The following EDIL3 variants were observed in gnomAD, a reference collection of about 807,000 sequenced individuals.
EDIL3 encodes the protein EGF-like repeat and discoidin I-like domain-containing protein 3.
A neutral mutation model predicts 67.4 loss-of-function variants in EDIL3; 37 were observed. That is an observed-to-expected ratio of 0.55 (90% CI 0.42 to 0.72). EDIL3 has a LOEUF of 0.72. Ranked by LOEUF, EDIL3 falls within the 30% of genes least tolerant of loss-of-function variation. The pLI is 0.00. For missense variants in EDIL3, 527 were observed against 586.3 expected, an observed-to-expected ratio of 0.90 and a Z score of 1.04; for synonymous variants, 195 against 196.3, an observed-to-expected ratio of 0.99 and a Z score of 0.05.
At chr5:84,240,208 T>C (rs915245736) in intron 2 of EDIL3, among the ~76,000 whole-genome samples, 7 of 152,116 alleles carry the variant, frequency 4.6e-5, no homozygotes, top group Non-Finnish European at 1.0e-4. Context: ...AAAACTGTAA[T>C]AGAAAAATGT....
chr5:84,208,771 T>G (rs1056754946), intron 3 of EDIL3, among the ~76,000 whole-genome samples: 1 of 151,018 alleles, frequency 6.6e-6, no homozygotes, highest in Non-Finnish European at 1.5e-5. Context: ...TTTTACACTG[T>G]TGGTGGGACT....
intron 3 of EDIL3, among the ~76,000 whole-genome samples, chr5:84,210,583 AC>A (rs1262731144): frequency 4.6e-5 from 7 of 152,148 alleles, no homozygotes; most frequent in Non-Finnish European, 7.4e-5. Context: ...TTAAAAAAAA[AC>A]ATATAAGCAT....
chr5:83,966,303 T>A (rs968917905), intron 9 of EDIL3, among the ~76,000 whole-genome samples: 1 of 152,110 alleles, frequency 6.6e-6, no homozygotes. Flanking sequence ...ATATAACAGG[T>A]GCTCAACAAA....
At chr5:84,173,011 A>T (rs1244375372) in intron 4 of EDIL3, among the ~76,000 whole-genome samples, 1 of 152,076 alleles carries the variant, frequency 6.6e-6, no homozygotes. Flanking sequence ...ATCCCTACTG[A>T]AGTAAACAGA....
At chr5:84,018,368 T>G (rs1054516101) in intron 9 of EDIL3, among the ~76,000 whole-genome samples, 1 of 152,152 alleles carries the variant, frequency 6.6e-6, no homozygotes, top group Non-Finnish European at 1.5e-5. Context: ...TCCTGATAAT[T>G]TAACTCTTGC....
At chr5:84,090,646 T>C (rs1747148574) in intron 6 of EDIL3, among the ~76,000 whole-genome samples, 1 of 152,066 alleles carries the variant, frequency 6.6e-6, no homozygotes, top group Non-Finnish European at 1.5e-5. Context: ...AACTGCTTGT[T>C]TATGGAAAAT....
chr5:84,309,842 T>C (rs1257844704), intron 1 of EDIL3, among the ~76,000 whole-genome samples: 1 of 152,226 alleles, frequency 6.6e-6, no homozygotes, highest in Non-Finnish European at 1.5e-5. Flanking sequence ...TTTATAGTCC[T>C]TTGGGTATAT....
chr5:84,216,631 T>C (rs1007070548), intron 3 of EDIL3, among the ~76,000 whole-genome samples: 3 of 152,218 alleles, frequency 2.0e-5, no homozygotes, highest in Admixed American at 1.3e-4. Flanking sequence ...ATTATGTATA[T>C]GCAGCATTTG....
At chr5:84,233,805 T>C (rs1222927879) in intron 2 of EDIL3, among the ~76,000 whole-genome samples, 1 of 152,140 alleles carries the variant, frequency 6.6e-6, no homozygotes, top group Non-Finnish European at 1.5e-5. Context: ...CCTTTAGATG[T>C]AGACACAGAG....
chr5:84,025,613 G>A (rs1745797234), intron 9 of EDIL3, among the ~76,000 whole-genome samples: 1 of 152,032 alleles, frequency 6.6e-6, no homozygotes, highest in African/African-American at 2.4e-5. Context: ...CCACTAAATT[G>A]GTCCCTGGTA....
intron 1 of EDIL3, among the ~76,000 whole-genome samples, chr5:84,354,257 C>T (rs1227738509): frequency 6.6e-6 from 1 of 152,176 alleles, no homozygotes; most frequent in Non-Finnish European, 1.5e-5. Context: ...GTGAGTGTCT[C>T]TTCTCTTGCC....
intron 9 of EDIL3, among the ~76,000 whole-genome samples, chr5:84,030,504 A>T (rs116217355): frequency 0.41 from 62,117 of 151,576 alleles, 14,802 homozygotes; most frequent in African/African-American, 0.67. Flanking sequence ...GGGATATGAA[A>T]AAATCGCACA....
At chr5:84,253,445 T>C (rs553461935) in intron 2 of EDIL3, among the ~76,000 whole-genome samples, 4 of 152,334 alleles carry the variant, frequency 2.6e-5, no homozygotes, top group Non-Finnish European at 4.4e-5. Flanking sequence ...AGTACAGCTA[T>C]TTCCTTAATG....
At chr5:84,194,995 G>C (rs1402688676) in intron 3 of EDIL3, among the ~76,000 whole-genome samples, 1 of 151,932 alleles carries the variant, frequency 6.6e-6, no homozygotes, top group Non-Finnish European at 1.5e-5. Flanking sequence ...CGGTCACAGA[G>C]TCATTAAAAG....
intron 1 of EDIL3, among the ~76,000 whole-genome samples, chr5:84,276,725 C>G (rs1286279721): frequency 6.6e-6 from 1 of 151,936 alleles, no homozygotes; most frequent in African/African-American, 2.4e-5. Context: ...CACACCACCA[C>G]GCTCGGCTAA....
At chr5:84,107,622 C>G (rs1461633936) in intron 5 of EDIL3, among the ~76,000 whole-genome samples, 2 of 151,130 alleles carry the variant, frequency 1.3e-5, no homozygotes, top group Admixed American at 1.3e-4. Context: ...AGAAAATTTT[C>G]CAATGAAATT....
intron 1 of EDIL3, among the ~76,000 whole-genome samples, chr5:84,382,243 T>C (rs1580114607): frequency 6.6e-6 from 1 of 152,196 alleles, no homozygotes; most frequent in Admixed American, 6.5e-5. Flanking sequence ...TTCCCGAGCA[T>C]TGTCTAAGAG....
intron 3 of EDIL3, among the ~76,000 whole-genome samples, chr5:84,214,152 G>A (rs1744181635): frequency 6.6e-6 from 1 of 152,144 alleles, no homozygotes; most frequent in Non-Finnish European, 1.5e-5. Context: ...CTAAATCATT[G>A]CCACTGTTAC....
At chr5:84,189,094 G>C (rs1743525661) in intron 3 of EDIL3, among the ~76,000 whole-genome samples, 1 of 152,062 alleles carries the variant, frequency 6.6e-6, no homozygotes, top group East Asian at 1.9e-4. Context: ...GGCTGGCAAA[G>C]CACTCATATT....
Sources: allele counts gnomAD v4.1 joint callset (sites outside exome capture counted in the v4.1 genomes callset), GRCh38; gene constraint gnomAD v4.1.1; transcripts MANE v1.5; gene names NCBI Gene and HGNC (gene_info 2026-07-23, HGNC 2026-07-21).